Variants in SHANK1 observed in about 807,000 individuals in gnomAD.
The protein encoded by SHANK1 is SH3 and multiple ankyrin repeat domains protein 1.
In SHANK1, 35 loss-of-function variants were observed where a neutral mutation model predicts 165.6. That is an observed-to-expected ratio of 0.21 (90% CI 0.16 to 0.28). The LOEUF (loss-of-function observed/expected upper bound fraction) is 0.28, where lower values mean the gene tolerates loss of function less well. SHANK1 is among the 10% of genes least tolerant of loss of function. The pLI, the probability that SHANK1 is intolerant of heterozygous loss-of-function variation, is 1.00. For missense variants in SHANK1, 2,681 were observed against 3,036.4 expected (o/e 0.88, Z 2.75); for synonymous variants, 1,428 against 1,384.8 (o/e 1.03, Z -0.69).
chr19:50,703,354 G>A (rs2088893325), intron 11 of SHANK1, 146 bp downstream of exon 11: 1 of 662,488 alleles, frequency 1.5e-6, no homozygotes, highest in Middle Eastern at 3.9e-4. Context: ...TAGCTCCCAA[G>A]GCCTTGCTTT....
chr19:50,717,346 G>A lies in SHANK1; in HGVS notation c.-43-384C>T, dbSNP rs2089082480. Among the ~76,000 whole-genome samples, 2 of 152,224 alleles carry A rather than the reference G, an allele frequency of 1.3e-5. No individual in the cohort carries two copies. Among genetic ancestry groups the A allele is most frequent in the African/African-American group, 4.8e-5 (2 of 41,466 alleles). On this transcript the variant is annotated intron_variant, in intron 1 of 23. Transcript: ENST00000293441. This position sits in a 1 kb window ranked among gnomAD's most constrained non-coding sequence, Gnocchi z 5.5. ...GCTAAAATTAGCTAAGGACAGACAG[G>A]TGGACAAACTGACAGGCATCCTGCC...
chr19:50,695,153 G>GT (rs1986693281), intron 15 of SHANK1, among the ~76,000 whole-genome samples: 1 of 145,704 alleles, frequency 6.9e-6, no homozygotes, highest in Non-Finnish European at 1.5e-5. Flanking sequence ...GGGCCCCCAG[G>GT]CCCCGCCTCA....
At chr19:50,691,207 C>T (rs1432197642) in intron 15 of SHANK1, among the ~76,000 whole-genome samples, 3 of 152,014 alleles carry the variant, frequency 2.0e-5, no homozygotes, top group South Asian at 2.1e-4. Flanking sequence ...GGAAAGGGGC[C>T]GAGAAGGCCA....
At chr19:50,689,003 G>A in intron 16 of SHANK1, 35 bp from the exon 17 acceptor site, 1 of 1,460,726 alleles carries the variant, frequency 6.8e-7, no homozygotes. Context: ...GGTCGGAGGG[G>A]AGGGGGTGGA....
intron 8 of SHANK1, among the ~76,000 whole-genome samples, chr19:50,709,376 A>T (rs567392182): frequency 6.6e-6 from 1 of 151,932 alleles, no homozygotes; most frequent in Admixed American, 6.6e-5. Context: ...CTCCTGACCT[A>T]GTGATCCGCC....
chr19:50,666,042 AAG>A (rs1489598639), intron 23 of SHANK1, 148 bp downstream of exon 23: 23 of 554,058 alleles, frequency 4.2e-5, no homozygotes, highest in East Asian at 9.0e-5. Flanking sequence ...AAAAAAGAAA[AAG>A]AAAATATTTG....
chr19:50,692,467 A>G (rs1986570010), intron 15 of SHANK1, among the ~76,000 whole-genome samples: 1 of 149,150 alleles, frequency 6.7e-6, no homozygotes, highest in Non-Finnish European at 1.5e-5. Flanking sequence ...ATATATATAT[A>G]TATATACACA....
chr19:50,679,413 T>A (rs1395186454), intron 21 of SHANK1, among the ~76,000 whole-genome samples: 2 of 151,864 alleles, frequency 1.3e-5, no homozygotes, highest in Non-Finnish European at 2.9e-5. Flanking sequence ...AGGGTCAGGG[T>A]GACAGGAGAG....
chr19:50,664,408 T>C (rs574664305), intron 23 of SHANK1, among the ~76,000 whole-genome samples: 15 of 152,322 alleles, frequency 9.8e-5, no homozygotes, highest in Admixed American at 6.5e-4. Flanking sequence ...CATCATCCCG[T>C]ATTTCCCCAC....
At position 50,681,241 on chromosome 19, in the gene SHANK1, C is replaced by T. The variant is rs146871613; in HGVS notation, c.2577+4996G>A. 5.3e-4 allele frequency among the ~76,000 whole-genome samples: 80 copies of T among 152,032 alleles called. 1 individual carries two copies. The East Asian group carries it at 7.5e-3, about 14-fold the overall frequency. On this transcript the variant is annotated intron_variant, in intron 21 of 23. Coordinates refer to ENST00000293441, the MANE Select transcript of SHANK1 (RefSeq NM_016148.5). ...GGCAGGTGGGAAGGAGCAGAGAAGG[C>T]GGCAGAGAGAGCCTCCGACATGAGA...
intron 4 of SHANK1, among the ~76,000 whole-genome samples, chr19:50,714,690 C>CA (rs67938945): frequency 0.52 from 53,164 of 102,856 alleles, 12,261 homozygotes; most frequent in South Asian, 0.57. Flanking sequence ...GACCCCGTCT[C>CA]AAAAAAAAAA....
chr19:50,662,766 A>G lies in SHANK1; in HGVS notation c.5769-84T>C. 1.4e-6 allele frequency: 2 copies of G among 1,451,446 alleles called. No homozygotes were observed. The highest frequency in any genetic ancestry group is 2.0e-5 in the Admixed American group (1 of 49,760). The allele number at this position is 1,451,446 out of a possible 1,614,324, so 89.9% of individuals were successfully genotyped here. A position where few individuals can be genotyped will look rare whatever the true frequency, so the allele number is the denominator to read the frequency against. ...GTGAGAAAGAGGCAGAGGTCAAGAT[A>G]TAGGGAGAGAGGAGGAGAGACATAA... is the stretch of plus-strand genomic sequence containing the variant. On this transcript the variant is annotated intron_variant, in intron 23 of 23. Coordinates refer to ENST00000293441, the MANE Select transcript of SHANK1 (RefSeq NM_016148.5). This position sits in a 1 kb window ranked among gnomAD's most constrained non-coding sequence, Gnocchi z 7.7.
intron 21 of SHANK1, 38 bp from the exon 22 acceptor site, chr19:50,672,152 A>G: frequency 6.6e-7 from 1 of 1,508,318 alleles, no homozygotes; most frequent in Non-Finnish European, 9.1e-7. Context: ...GAGAGAAAAG[A>G]TAGAGAGAGA....
intron 8 of SHANK1, among the ~76,000 whole-genome samples, chr19:50,707,931 CT>C (rs2088964011): frequency 1.2e-5 from 1 of 81,062 alleles, no homozygotes; most frequent in Non-Finnish European, 2.4e-5. Context: ...CTTTTCTTTT[CT>C]TTTCTTTTCT....
rs199791438 is a variant in SHANK1 at position 50,711,449 on chromosome 19, C to G, written c.999G>C (p.Leu333=). 9.9e-5 allele frequency: 155 copies of G among 1,568,386 alleles called. No homozygotes were observed. The East Asian group carries it at 2.5e-3, about 25-fold the overall frequency. ...CTCCAGGCTCAGCCCCGTAGAAAAGCAGATGCTCCAGGTGCTGAGAGTGAC... is the reference window on the plus strand; with the variant it reads ...CTCCAGGCTCAGCCCCGTAGAAAAGGAGATGCTCCAGGTGCTGAGAGTGAC... ...QRGHSQHLEH[L]LFYGAEPGAQ... is the part of the protein sequence containing the mutation. The change falls in exon 8 of 24, where the codon CTG becomes CTC. Residue 333 remains leucine (L), a synonymous_variant. Coordinates refer to ENST00000293441, the MANE Select transcript of SHANK1 (RefSeq NM_016148.5).
rs1050132061 is a variant in SHANK1, at chr19:50,719,779, C to G, written c.-417G>C. ...TCCGCGCCTCCTCTGCCACCCTTCT[C>G]GCTCTCTCGCTCTCGCTGTCTCTCC... On this transcript the variant is annotated 5_prime_UTR_variant, in exon 1 of 24. Coordinates refer to ENST00000293441, the MANE Select transcript of SHANK1 (RefSeq NM_016148.5). 6.6e-6 allele frequency among the ~76,000 whole-genome samples: 1 copy of G among 151,324 alleles called. No individual in the cohort carries two copies. The highest frequency in any genetic ancestry group is 2.0e-4 in the East Asian group (1 of 5,106).
intron 8 of SHANK1, 65 bp from the exon 9 acceptor site, chr19:50,704,579 G>C: frequency 7.1e-7 from 1 of 1,403,892 alleles, no homozygotes; most frequent in Non-Finnish European, 1.0e-6. Flanking sequence ...ACCATGAGTG[G>C]ATGCAGGTTC....
chr19:50,674,501 C>T (rs1174751268), intron 21 of SHANK1, among the ~76,000 whole-genome samples: 2 of 152,160 alleles, frequency 1.3e-5, no homozygotes, highest in African/African-American at 2.4e-5. Context: ...TTCTCACTTC[C>T]GAGACTCTGC....
rs1025900777 is a variant in SHANK1 at position 50,697,402 on chromosome 19, C to T, written c.1937+187G>A. ...CCCCAGAGCTGGGCAGTCTTAGTGG[C>T]TGCCGAAGATGGTTTGGGGTTGGGC... On this transcript the variant is annotated intron_variant, in intron 14 of 23. Transcript: ENST00000293441. The surrounding 1 kb of genome is among the most constrained non-coding windows in gnomAD (Gnocchi z 4.7). Among the ~76,000 whole-genome samples, 1 of 152,196 alleles carries T rather than the reference C, an allele frequency of 6.6e-6. No homozygotes were observed. The highest frequency in any genetic ancestry group is 6.5e-5 in the Admixed American group (1 of 15,282).
Sources: allele counts gnomAD v4.1 joint callset (sites outside exome capture counted in the v4.1 genomes callset), GRCh38; gene constraint gnomAD v4.1.1; non-coding constraint Gnocchi (gnomAD v3.1); transcripts MANE v1.5; gene names NCBI Gene and HGNC (gene_info 2026-07-23, HGNC 2026-07-21).